The following POU3F3 variants were observed in gnomAD, a reference collection of about 807,000 sequenced individuals.
The protein encoded by POU3F3 is POU class 3 homeobox 3.
In POU3F3, 1 loss-of-function variant was observed where a neutral mutation model predicts 8.6. The ratio of observed to expected loss-of-function variants is 0.12; its 90% CI spans 0.04 to 0.55. The LOEUF is 0.55. Among genes scored for constraint, POU3F3 ranks in the 20% least tolerant of loss-of-function variants. POU3F3 has a pLI of 0.91. For synonymous variants in POU3F3, 418 were observed against 327.4 expected (o/e 1.28, Z -2.99); for missense variants, 577 against 690.7 (o/e 0.84, Z 1.84).
chr2:104,882,551 A>G, the POU3F3 span, among the ~76,000 whole-genome samples: 1 of 152,162 alleles, frequency 6.6e-6, no homozygotes, highest in Non-Finnish European at 1.5e-5. Flanking sequence ...TGCACCCTGC[A>G]TATTTTTAAC....
At chr2:104,922,257 C>T in the POU3F3 span, among the ~76,000 whole-genome samples, 2 of 151,610 alleles carry the variant, frequency 1.3e-5, no homozygotes, top group Non-Finnish European at 2.9e-5. Flanking sequence ...AATAAAAAAT[C>T]ATAAGGCATA....
chr2:104,910,451 C>G, the POU3F3 span, among the ~76,000 whole-genome samples: 1 of 152,246 alleles, frequency 6.6e-6, no homozygotes, highest in South Asian at 2.1e-4. Context: ...TCTCCTTATT[C>G]CACCGACAGC....
the POU3F3 span, among the ~76,000 whole-genome samples, chr2:104,926,344 A>T: frequency 1.3e-5 from 2 of 152,230 alleles, no homozygotes. Flanking sequence ...GCCAATAAAC[A>T]TATGAAAAAA....
the POU3F3 span, among the ~76,000 whole-genome samples, chr2:104,887,782 C>A: frequency 6.6e-6 from 1 of 152,218 alleles, no homozygotes; most frequent in Non-Finnish European, 1.5e-5. Context: ...AGCCCACGCC[C>A]AGCCACAAGG....
At chr2:104,866,418 G>A in the POU3F3 span, 195 of 152,298 alleles carry the variant, frequency 1.3e-3, no homozygotes, top group African/African-American at 4.0e-3. Context: ...CCAAAAGAGA[G>A]ATCAGTTACC....
At chr2:104,920,942 G>A in the POU3F3 span, among the ~76,000 whole-genome samples, 24 of 152,022 alleles carry the variant, frequency 1.6e-4, no homozygotes, top group African/African-American at 5.8e-4. Context: ...CATGTTCCAA[G>A]CAGCAGGATC....
Position 104,854,401 on chromosome 2 carries a change from C to T in POU3F3, c.-1110C>T, listed in dbSNP as rs949745877. On this transcript the variant is annotated 5_prime_UTR_variant, in exon 1 of 1. Transcript: ENST00000361360. This position sits in a 1 kb window ranked among gnomAD's most constrained non-coding sequence, Gnocchi z 4.5. Reference sequence around the variant, plus strand: ...TATATGCACACACACACCTCCACCTCCACCAATGCACTCTTCTTCCTCCTC... The same window carrying T: ...TATATGCACACACACACCTCCACCTTCACCAATGCACTCTTCTTCCTCCTC... Among the ~76,000 whole-genome samples, 1 of 152,190 alleles carries T rather than the reference C, an allele frequency of 6.6e-6. No homozygotes were observed. Among genetic ancestry groups the T allele is most frequent in the African/African-American group, 2.4e-5 (1 of 41,442 alleles).
At chr2:104,889,686 G>A in the POU3F3 span, among the ~76,000 whole-genome samples, 1 of 152,296 alleles carries the variant, frequency 6.6e-6, no homozygotes. Context: ...AGTGGAAGGG[G>A]CACCATCATA....
chr2:104,853,928 C>A (rs1676494294), upstream of POU3F3: 1 of 151,964 alleles, frequency 6.6e-6, no homozygotes, highest in African/African-American at 2.4e-5. Context: ...CCAGCTTCTA[C>A]GACGCTCTGC....
downstream of POU3F3, chr2:104,858,615 G>A (rs1053840619): frequency 6.6e-6 from 1 of 152,196 alleles, no homozygotes; most frequent in African/African-American, 2.4e-5. Context: ...GGGAAGAAAA[G>A]AGTTCTTTAA....
the POU3F3 span, among the ~76,000 whole-genome samples, chr2:104,911,175 A>T: frequency 6.6e-6 from 1 of 152,002 alleles, no homozygotes; most frequent in Non-Finnish European, 1.5e-5. Flanking sequence ...GCACTTTGGG[A>T]GGCCAAGGTG....
chr2:104,906,965 C>A, the POU3F3 span, among the ~76,000 whole-genome samples: 4 of 152,120 alleles, frequency 2.6e-5, no homozygotes, highest in East Asian at 7.7e-4. Context: ...TCTATTTCTG[C>A]GTATCTGTCG....
the POU3F3 span, chr2:104,869,770 A>G: frequency 6.6e-6 from 1 of 152,160 alleles, no homozygotes; most frequent in Non-Finnish European, 1.5e-5. Flanking sequence ...CCTCCCAGCC[A>G]GGCTTGGTGG....
chr2:104,898,929 A>G, the POU3F3 span, among the ~76,000 whole-genome samples: 12 of 152,204 alleles, frequency 7.9e-5, no homozygotes, highest in African/African-American at 2.7e-4. Flanking sequence ...TATGACAGGT[A>G]TCTGACAGCA....
rs896028039 is a variant in POU3F3, at chr2:104,857,153, C to T, written c.*140C>T. On this transcript the variant is annotated 3_prime_UTR_variant, in exon 1 of 1. Transcript: ENST00000361360. ...CGCCGACCCTGCACCTGGGCCGCTC[C>T]GGGCTCCAGCCCAGGCCCATCCGCC... is the stretch of plus-strand genomic sequence containing the variant. 9.0e-6 allele frequency: 8 copies of T among 893,128 alleles called. No homozygotes were observed. The highest frequency in any genetic ancestry group is 1.1e-5 in the Non-Finnish European group (8 of 746,386). The allele number at this position is 893,128 out of a possible 1,614,324, so 55.3% of individuals were successfully genotyped here. A position where few individuals can be genotyped will look rare whatever the true frequency, so the allele number is the denominator to read the frequency against.
the POU3F3 span, among the ~76,000 whole-genome samples, chr2:104,900,650 A>G: frequency 6.6e-6 from 1 of 152,296 alleles, no homozygotes; most frequent in African/African-American, 2.4e-5. Flanking sequence ...TGAATGTGAT[A>G]TTCCCCTTAT....
downstream of POU3F3, among the ~76,000 whole-genome samples, chr2:104,861,991 G>A (rs1328034368): frequency 6.6e-6 from 1 of 152,250 alleles, no homozygotes; most frequent in East Asian, 1.9e-4. Context: ...CAGGCTGGAG[G>A]AGCTGGGGGT....
the POU3F3 span, among the ~76,000 whole-genome samples, chr2:104,881,949 T>C: frequency 1.3e-5 from 2 of 152,214 alleles, no homozygotes; most frequent in Non-Finnish European, 1.5e-5. Context: ...TTTTCTTCTG[T>C]CTTTGAGAAT....
At chr2:104,905,431 C>T in the POU3F3 span, among the ~76,000 whole-genome samples, 2 of 152,184 alleles carry the variant, frequency 1.3e-5, no homozygotes, top group South Asian at 2.1e-4. Context: ...ATTTTACTTA[C>T]ATATGTATTA....
Sources: gnomAD v4.1 joint callset for allele counts (sites outside exome capture counted in the v4.1 genomes callset) on GRCh38, gnomAD v4.1.1 for gene constraint, Gnocchi (gnomAD v3.1) non-coding constraint, MANE v1.5 for transcripts, NCBI Gene and HGNC (gene_info 2026-07-23, HGNC 2026-07-21) for gene names.